Variants in PTPRZ1 observed in about 807,000 individuals in gnomAD.
PTPRZ1 encodes the protein protein tyrosine phosphatase receptor type Z1, also known as receptor-type tyrosine-protein phosphatase zeta.
A neutral mutation model predicts 214.1 loss-of-function variants in PTPRZ1; 82 were observed. The observed-to-expected ratio is 0.38, with a 90% CI of 0.32 to 0.46. The LOEUF (loss-of-function observed/expected upper bound fraction) is 0.46. Among genes scored for constraint, PTPRZ1 ranks in the 20% least tolerant of loss-of-function variants. The pLI, the probability that PTPRZ1 is intolerant of heterozygous loss-of-function variation, is 1.00. For missense variants in PTPRZ1, 2,603 were observed against 2,748.7 expected, an observed-to-expected ratio of 0.95 and a Z score of 1.19; for synonymous variants, 945 against 987.9, an observed-to-expected ratio of 0.96 and a Z score of 0.81.
intron 8 of PTPRZ1, among the ~76,000 whole-genome samples, chr7:121,987,504 G>C (rs1018144515): frequency 1.3e-5 from 2 of 152,086 alleles, no homozygotes; most frequent in Admixed American, 6.5e-5. Context: ...ACAATGGCTG[G>C]ACTAATTTAT....
At chr7:122,046,827 G>A (rs973115004) in intron 23 of PTPRZ1, among the ~76,000 whole-genome samples, 4 of 152,146 alleles carry the variant, frequency 2.6e-5, no homozygotes, top group Admixed American at 2.6e-4. Context: ...CATAAGAGAG[G>A]TCTGGCCTGA....
intron 13 of PTPRZ1, 133 bp from the exon 14 acceptor site, chr7:122,028,419 G>A: frequency 5.4e-6 from 3 of 557,590 alleles, no homozygotes; most frequent in Admixed American, 6.7e-5. Flanking sequence ...TGTAGATCCA[G>A]CAATCCCTCT....
intron 8 of PTPRZ1, among the ~76,000 whole-genome samples, chr7:121,989,709 G>A (rs941385435): frequency 1.3e-5 from 2 of 152,022 alleles, no homozygotes; most frequent in African/African-American, 2.4e-5. Flanking sequence ...TATCTCCTTC[G>A]GAACTGAATT....
At chr7:121,957,230 A>G (rs955192779) in intron 2 of PTPRZ1, among the ~76,000 whole-genome samples, 1 of 151,938 alleles carries the variant, frequency 6.6e-6, no homozygotes, top group Non-Finnish European at 1.5e-5. Context: ...GAGCAGGTTT[A>G]GCAGACAATC....
chr7:122,055,948 A>T (rs918027839), intron 27 of PTPRZ1, among the ~76,000 whole-genome samples: 1 of 151,928 alleles, frequency 6.6e-6, no homozygotes, highest in African/African-American at 2.4e-5. Flanking sequence ...ACTTGATAAT[A>T]CAAATAACTA....
intron 13 of PTPRZ1, among the ~76,000 whole-genome samples, chr7:122,021,663 C>T (rs1799020180): frequency 6.6e-6 from 1 of 152,060 alleles, no homozygotes; most frequent in Non-Finnish European, 1.5e-5. Context: ...ATCACTTGAG[C>T]CCAGGAGTCA....
At chr7:121,947,219 T>C (rs567775051) in intron 2 of PTPRZ1, among the ~76,000 whole-genome samples, 1 of 152,012 alleles carries the variant, frequency 6.6e-6, no homozygotes, top group Non-Finnish European at 1.5e-5. Context: ...AAAAAAAGTC[T>C]GTTCTGTACT....
chr7:122,043,563 A>T (rs1799794571), intron 22 of PTPRZ1, among the ~76,000 whole-genome samples: 2 of 152,234 alleles, frequency 1.3e-5, no homozygotes, highest in Non-Finnish European at 2.9e-5. Context: ...TGGCAGCTTG[A>T]AAGCAATCAG....
At position 122,013,383 on chromosome 7, in the gene PTPRZ1, C is replaced by T. The variant is rs949660187; in HGVS notation, c.4337C>T (p.Ser1446Leu). 4 of 1,614,020 alleles carry T rather than the reference C, an allele frequency of 2.5e-6. No individual in the cohort carries two copies. Among genetic ancestry groups the T allele is most frequent in the African/African-American group, 1.3e-5 (1 of 74,926 alleles). Reference protein sequence around the residue: ...GLSIHKCMSCSSYRESQEKVM... With the variant: ...GLSIHKCMSCLSYRESQEKVM... ...TCCATTCATAAGTGTATGTCATGCT[C>T]ATCCTATAGAGAATCACAGGAAAAG... Residue 1446 changes from serine (S) to leucine (L), a missense_variant, in exon 12 of 30, where the codon TCA becomes TTA. This residue lies in a region of PTPRZ1 where 1,913 missense variants were observed against 1,914.3 expected (regional missense o/e 1.00). Coordinates refer to ENST00000393386, the MANE Select transcript of PTPRZ1 (RefSeq NM_002851.3).
At chr7:122,028,747 G>A in intron 14 of PTPRZ1, 104 bp downstream of exon 14, 1 of 826,244 alleles carries the variant, frequency 1.2e-6, no homozygotes, top group Non-Finnish European at 1.9e-6. Context: ...TTGCTATAAT[G>A]TAGATTAGTA....
rs78818138 is a variant in PTPRZ1, at chr7:121,957,618, G to A, written c.125-10333G>A. Among the ~76,000 whole-genome samples the A allele has an allele frequency of 6.3e-3, 963 of 152,280 alleles. 8 individuals carry two copies. The highest frequency in any genetic ancestry group is 0.021 in the African/African-American group (885 of 41,558). On this transcript the variant is annotated intron_variant, in intron 2 of 29. Transcript: ENST00000393386. ...TTTTTCTGAGAAAATAGGGAAAGGCGCTGAAAAGATTGTACTGTCTGCCTG... is the reference window on the plus strand; with the variant it reads ...TTTTTCTGAGAAAATAGGGAAAGGCACTGAAAAGATTGTACTGTCTGCCTG...
chr7:121,929,091 A>T (rs1453222376), intron 2 of PTPRZ1, among the ~76,000 whole-genome samples: 1 of 152,146 alleles, frequency 6.6e-6, no homozygotes, highest in African/African-American at 2.4e-5. Flanking sequence ...TCTTCTTTTT[A>T]ATTGCTATTT....
At chr7:122,042,559 T>G (rs780569435) in intron 21 of PTPRZ1, 49 bp from the exon 22 acceptor site, 2 of 1,525,514 alleles carry the variant, frequency 1.3e-6, no homozygotes, top group Non-Finnish European at 1.8e-6. Context: ...TTTTTCAAAT[T>G]TATTTTATGC....
chr7:122,020,825 A>G (rs1281118176), intron 13 of PTPRZ1, among the ~76,000 whole-genome samples: 1 of 108,670 alleles, frequency 9.2e-6, no homozygotes, highest in Admixed American at 8.7e-5. Flanking sequence ...ATTGCCAAAG[A>G]TTCTTTTTTT....
intron 23 of PTPRZ1, among the ~76,000 whole-genome samples, chr7:122,049,322 T>C (rs1792099391): frequency 6.6e-6 from 1 of 152,028 alleles, no homozygotes; most frequent in Non-Finnish European, 1.5e-5. Context: ...TTCAACATTA[T>C]TCTGGAAATA....
At chr7:121,901,704 A>C (rs1457601424) in intron 1 of PTPRZ1, among the ~76,000 whole-genome samples, 1 of 152,110 alleles carries the variant, frequency 6.6e-6, no homozygotes, top group South Asian at 2.1e-4. Flanking sequence ...ATCCTGAATA[A>C]AGTTTTATTT....
Position 122,011,199 on chromosome 7 carries a change from A to G in PTPRZ1, c.2153A>G (p.Tyr718Cys). ...ATGCCACATTATTCTACCTTTGCCT[A>G]CTTCCCAACTGAGGTAACACCTCAT... The part of the protein sequence containing the change: ...LEMPHYSTFA[Y>C]FPTEVTPHAF... The change falls in exon 12 of 30, where the codon TAC becomes TGC. Residue 718 changes from tyrosine to cysteine, a missense_variant. Coordinates refer to ENST00000393386, the MANE Select transcript of PTPRZ1 (RefSeq NM_002851.3). The G allele has an allele frequency of 6.2e-7, 1 of 1,614,016 alleles. No homozygotes were observed.
At chr7:122,031,826 A>G (rs539947598) in intron 15 of PTPRZ1, 11 of 196,758 alleles carry the variant, frequency 5.6e-5, no homozygotes, top group Admixed American at 1.8e-4. Flanking sequence ...CAAATCTTTA[A>G]TATTCTTTTT....
rs1324020758 is a variant in PTPRZ1, at chr7:121,873,331, C to CAG, written c.-168_-167insGA. 4.0e-6 allele frequency: 2 copies of CAG among 497,094 alleles called. No individual in the cohort carries two copies. The highest frequency in any genetic ancestry group is 8.2e-5 in the African/African-American group (2 of 24,410). 30.8% of individuals were successfully genotyped at this position (497,094 alleles called of 1,614,324 possible). The stretch of plus-strand genomic sequence containing the variant: ...TCTGTCTCTGTCTCTCTCTCTCTCA[C>CAG]ACACACACACACACACACAAACACA... On this transcript the variant is annotated 5_prime_UTR_variant, in exon 1 of 30. Coordinates refer to ENST00000393386, the MANE Select transcript of PTPRZ1 (RefSeq NM_002851.3).
Sources: allele counts gnomAD v4.1 joint callset (sites outside exome capture counted in the v4.1 genomes callset), GRCh38; gene constraint gnomAD v4.1.1; regional missense constraint gnomAD v4.1.1; transcripts MANE v1.5; gene names NCBI Gene and HGNC (gene_info 2026-07-23, HGNC 2026-07-21).